PODXL2: variants seen among roughly 807,000 people sequenced by gnomAD.
The protein encoded by PODXL2 is podocalyxin-like protein 2.
Under a neutral mutation model 53.4 loss-of-function variants are expected in PODXL2, and 17 were observed. That is an observed-to-expected ratio of 0.32 (90% CI 0.22 to 0.48). PODXL2 has a LOEUF of 0.48. PODXL2 is among the 20% of genes least tolerant of loss of function. The pLI, the probability that PODXL2 is intolerant of heterozygous loss-of-function variation, is 0.99. For synonymous variants in PODXL2, 311 were observed against 306.7 expected (o/e 1.01, Z -0.15); for missense variants, 673 against 760.0 (o/e 0.89, Z 1.35).
At chr3:127,660,337 A>G in intron 2 of PODXL2, 41 bp from the exon 3 acceptor site, 1 of 1,591,920 alleles carries the variant, frequency 6.3e-7, no homozygotes, top group Non-Finnish European at 8.6e-7. Context: ...AAAGCAATGA[A>G]TGATGAAACA....
At chr3:127,653,442 C>T (rs2074702031) in intron 2 of PODXL2, among the ~76,000 whole-genome samples, 1 of 152,174 alleles carries the variant, frequency 6.6e-6, no homozygotes, top group Non-Finnish European at 1.5e-5. Flanking sequence ...GTCAAGAGAT[C>T]AAGACCAGCC....
chr3:127,655,760 T>C (rs184443630), intron 2 of PODXL2, among the ~76,000 whole-genome samples: 10 of 152,356 alleles, frequency 6.6e-5, no homozygotes, highest in African/African-American at 2.2e-4. Flanking sequence ...GTCAAGTCAC[T>C]GGAGTGAGAG....
intron 3 of PODXL2, 123 bp from the exon 4 acceptor site, chr3:127,662,114 T>C: frequency 1.3e-6 from 1 of 744,094 alleles, no homozygotes; most frequent in Non-Finnish European, 2.3e-6. Flanking sequence ...GCCCCCTCGC[T>C]GTAATACGCC....
At chr3:127,644,217 TC>T (rs1380579508) in intron 2 of PODXL2, among the ~76,000 whole-genome samples, 1 of 152,110 alleles carries the variant, frequency 6.6e-6, no homozygotes, top group Non-Finnish European at 1.5e-5. Flanking sequence ...GTTCAAGTGA[TC>T]CTCCTGCCTC....
At chr3:127,655,562 A>G (rs1457171307) in intron 2 of PODXL2, among the ~76,000 whole-genome samples, 1 of 152,168 alleles carries the variant, frequency 6.6e-6, no homozygotes, top group South Asian at 2.1e-4. Context: ...TACTATTTTT[A>G]TTTTACACTT....
rs1366549666 is a variant in PODXL2 at position 127,629,620 on chromosome 3, A to ATGTGTGTGCGTGTGCTTG, written c.70+342_70+359dup. Among the ~76,000 whole-genome samples, 50 of 151,794 alleles carry ATGTGTGTGCGTGTGCTTG rather than the reference A, an allele frequency of 3.3e-4. No homozygotes were observed. The highest frequency in any genetic ancestry group is 1.2e-3 in the African/African-American group (49 of 41,434). On this transcript the variant is annotated intron_variant, in intron 1 of 7. Transcript: ENST00000342480. This position sits in a 1 kb window ranked among gnomAD's most constrained non-coding sequence, Gnocchi z 6.4. ...GGGGGGCGCGCACGTGTGGGTGTGC[A>ATGTGTGTGCGTGTGCTTG]TGTGTGTGCGTGTGCTTGTGTGTGT...
chr3:127,635,163 C>T (rs1158439101), intron 1 of PODXL2, among the ~76,000 whole-genome samples: 2 of 152,238 alleles, frequency 1.3e-5, no homozygotes, highest in African/African-American at 4.8e-5. Context: ...CTCCAGCCTC[C>T]TTTCTCCTTC....
intron 1 of PODXL2, among the ~76,000 whole-genome samples, chr3:127,630,778 G>C (rs2074540315): frequency 6.6e-6 from 1 of 152,218 alleles, no homozygotes; most frequent in African/African-American, 2.4e-5. Context: ...TGTTGGCTCA[G>C]ACACTCACAC....
rs116559150 is a variant in PODXL2, at chr3:127,653,912, A to G, written c.350-6466A>G. On this transcript the variant is annotated intron_variant, in intron 2 of 7. Transcript: ENST00000342480. ...GCAGACATGATGCTCCTTTGCTCCA[A>G]ATACTTCAGTGTGCATTTCTTAGGA... is the stretch of plus-strand genomic sequence containing the variant. 9.9e-3 allele frequency among the ~76,000 whole-genome samples: 1,510 copies of G among 152,302 alleles called. 23 individuals carry two copies. Among genetic ancestry groups the G allele is most frequent in the African/African-American group, 0.034 (1,433 of 41,556 alleles).
intron 2 of PODXL2, among the ~76,000 whole-genome samples, chr3:127,644,885 G>A (rs2074643544): frequency 6.6e-6 from 1 of 152,188 alleles, no homozygotes; most frequent in Admixed American, 6.5e-5. Context: ...GCAGGTGCAG[G>A]GAGGAGAGTT....
intron 7 of PODXL2, 42 bp from the exon 8 acceptor site, chr3:127,672,226 G>T: frequency 6.6e-7 from 1 of 1,510,624 alleles, no homozygotes; most frequent in Non-Finnish European, 8.9e-7. Flanking sequence ...GCTGTCCGGG[G>T]GCTGGCTCGC....
In PODXL2 at chr3:127,631,028, C is replaced by T. The variant is rs573732664; in HGVS notation, c.70+1739C>T. Among the ~76,000 whole-genome samples the T allele has an allele frequency of 6.6e-5, 10 of 152,320 alleles. No individual in the cohort carries two copies. In the South Asian group the frequency reaches 8.3e-4, roughly 13 times the overall value. On this transcript the variant is annotated intron_variant, in intron 1 of 7. Transcript: ENST00000342480. ...TCTCTCCCGTGCATGCTCTTCATGA[C>T]GCACTTCTTACCCCCTGCTTGGAGG...
At chr3:127,659,731 C>T (rs1197619086) in intron 2 of PODXL2, among the ~76,000 whole-genome samples, 1 of 152,210 alleles carries the variant, frequency 6.6e-6, no homozygotes. Context: ...GAATAAAAAC[C>T]CCTCTCCCAT....
In PODXL2 at chr3:127,672,471, G is replaced by T; in HGVS notation, c.1809G>T (p.Thr603=). The change falls in exon 8 of 8, where the codon ACG becomes ACT. Residue 603 remains threonine (T), a synonymous_variant. Transcript: ENST00000342480. The part of the protein sequence containing the change: ...PEDSDVFEED[T]HL Reference sequence around the variant, plus strand: ...ACTCGGACGTGTTCGAGGAGGACACGCACCTGTGAGCGCAGCCGAGGCGCA... The same window carrying T: ...ACTCGGACGTGTTCGAGGAGGACACTCACCTGTGAGCGCAGCCGAGGCGCA... 1 of 1,507,368 alleles carries T rather than the reference G, an allele frequency of 6.6e-7. No homozygotes were observed. The allele number at this position is 1,507,368 out of a possible 1,614,324, so 93.4% of individuals were successfully genotyped here. A position where few individuals can be genotyped will look rare whatever the true frequency, so the allele number is the denominator to read the frequency against.
chr3:127,658,752 G>T (rs1407267634), intron 2 of PODXL2, among the ~76,000 whole-genome samples: 2 of 152,104 alleles, frequency 1.3e-5, no homozygotes, highest in Admixed American at 1.3e-4. Flanking sequence ...TGAGAATGAG[G>T]CTAGGTGTAA....
chr3:127,639,145 C>T (rs1005429044), intron 1 of PODXL2, 100 bp from the exon 2 acceptor site: 2 of 1,239,150 alleles, frequency 1.6e-6, no homozygotes, highest in South Asian at 1.5e-5. Context: ...GAAGTCCCCC[C>T]TTCCCCAGGA....
At position 127,660,784 on chromosome 3, in the gene PODXL2, A is replaced by G; in HGVS notation, c.756A>G (p.Thr252=). ...SLLLPSVTPT[T]VTPGDQDSTS... ...TGCTGCCTTCAGTCACCCCAACTAC[A>G]GTGACTCCGGGGGACCAGGACTCCA... The change falls in exon 3 of 8, where the codon ACA becomes ACG. Residue 252 remains threonine (T), a synonymous_variant. Coordinates refer to ENST00000342480, the MANE Select transcript of PODXL2 (RefSeq NM_015720.4). 6 of 1,614,068 alleles carry G rather than the reference A, an allele frequency of 3.7e-6. No homozygotes were observed. Among genetic ancestry groups the G allele is most frequent in the Non-Finnish European group, 5.1e-6 (6 of 1,179,978 alleles).
chr3:127,652,959 A>T (rs986384157), intron 2 of PODXL2, among the ~76,000 whole-genome samples: 1 of 151,936 alleles, frequency 6.6e-6, no homozygotes, highest in Non-Finnish European at 1.5e-5. Flanking sequence ...TAGCCCTGTC[A>T]TGTGTCCCCT....
rs970344851 is a variant in PODXL2 at position 127,661,101 on chromosome 3, A to G, written c.1073A>G (p.Gln358Arg). ...ATLGQEDLNQ[Q>R]LLEGQAAEAQ... ...TTGGGACAAGAAGATCTCAACCAGC[A>G]GCTCCTAGAAGGGCAGGCAGCTGAA... Residue 358 changes from glutamine to arginine, a missense_variant, in exon 3 of 8, where the codon CAG becomes CGG. Physicochemically the swap from Gln to Arg is conservative, Grantham distance 43. This residue lies in a region of PODXL2 where 588 missense variants were observed against 668.3 expected (regional missense o/e 0.88). Coordinates refer to ENST00000342480, the MANE Select transcript of PODXL2 (RefSeq NM_015720.4). The G allele has an allele frequency of 6.2e-7, 1 of 1,614,092 alleles. No individual in the cohort carries two copies. The highest frequency in any genetic ancestry group is 1.7e-5 in the Admixed American group (1 of 60,010).
Sources: gnomAD v4.1 joint callset for allele counts (sites outside exome capture counted in the v4.1 genomes callset) on GRCh38, gnomAD v4.1.1 for gene constraint, gnomAD v4.1.1 regional missense constraint, Gnocchi (gnomAD v3.1) non-coding constraint, MANE v1.5 for transcripts, NCBI Gene and HGNC (gene_info 2026-07-23, HGNC 2026-07-21) for gene names.